The following DNAJC17 variants were observed in gnomAD, a reference collection of about 807,000 sequenced individuals.
DNAJC17 encodes the protein dnaJ homolog subfamily C member 17.
Under a neutral mutation model 48.1 loss-of-function variants are expected in DNAJC17, and 35 were observed. The observed-to-expected ratio is 0.73, with a 90% CI of 0.56 to 0.96. DNAJC17 has a LOEUF of 0.96. DNAJC17 is among the 50% of genes least tolerant of loss of function. The probability of loss-of-function intolerance (pLI) is 0.00; values close to 1 mark genes in which losing one functional copy is unlikely to be tolerated. For missense variants in DNAJC17, 355 were observed against 377.1 expected (o/e 0.94, Z 0.48); for synonymous variants, 117 against 142.7 (o/e 0.82, Z 1.28).
chr15:40,792,211 T>C (rs1342984628), intron 1 of DNAJC17, among the ~76,000 whole-genome samples: 3 of 152,210 alleles, frequency 2.0e-5, no homozygotes, highest in African/African-American at 7.2e-5. Context: ...AGAAACAATG[T>C]TGATGCACCA....
In DNAJC17 at chr15:40,767,005, G is replaced by A. The variant is rs750870198; in HGVS notation, c.*935C>T. On this transcript the variant is annotated 3_prime_UTR_variant, in exon 11 of 11. Coordinates refer to ENST00000220496, the MANE Select transcript of DNAJC17 (RefSeq NM_018163.3). ...TTCTCATCTATCAATGGCCACAACA[G>A]TGGCACCTTCACTAGCTTGTTGGGA... The A allele has an allele frequency of 4.6e-5, 18 of 394,452 alleles. No homozygotes were observed. Among genetic ancestry groups the A allele is most frequent in the South Asian group, 9.2e-5 (1 of 10,922 alleles). The allele number at this position is 394,452 out of a possible 1,614,324, so 24.4% of individuals were successfully genotyped here. A position where few individuals can be genotyped will look rare whatever the true frequency, so the allele number is the denominator to read the frequency against.
At chr15:40,806,726 T>C (rs1890239343) in intron 1 of DNAJC17, among the ~76,000 whole-genome samples, 1 of 152,180 alleles carries the variant, frequency 6.6e-6, no homozygotes, top group African/African-American at 2.4e-5. Flanking sequence ...AGTGTTTCAC[T>C]CCCTGGCATC....
intron 1 of DNAJC17, among the ~76,000 whole-genome samples, chr15:40,806,242 A>G (rs1446953374): frequency 1.5e-5 from 2 of 133,726 alleles, no homozygotes; most frequent in Non-Finnish European, 1.6e-5. Context: ...TTTTTTTGAG[A>G]CAGTCTCGCT....
chr15:40,774,506 A>T (rs1889260372), intron 8 of DNAJC17, 70 bp from the exon 9 acceptor site: 3 of 1,563,336 alleles, frequency 1.9e-6, no homozygotes, highest in Admixed American at 3.4e-5. Flanking sequence ...GCCAGAGACA[A>T]GCCTGGGCTA....
intron 7 of DNAJC17, 48 bp from the exon 8 acceptor site, chr15:40,775,156 T>G: frequency 6.3e-7 from 1 of 1,592,722 alleles, no homozygotes; most frequent in South Asian, 1.1e-5. Flanking sequence ...GAACAGTACC[T>G]CACCCCACGA....
In DNAJC17 at chr15:40,779,261, G is replaced by C. The variant is rs780927472; in HGVS notation, c.257C>G (p.Thr86Ser). ...CTTCCTTTTCTCATCAAGTTTCTGG[G>C]TCCTCTCTGCTGCTTGCTTCTTGGC... Reference protein sequence around the residue: ...RKAKKQAAERTQKLDEKRKKV... With the variant: ...RKAKKQAAERSQKLDEKRKKV... Residue 86 changes from threonine to serine, a missense_variant, in exon 4 of 11, where the codon ACC becomes AGC. Thr to Ser is a moderately conservative substitution (Grantham distance 58). Coordinates refer to ENST00000220496, the MANE Select transcript of DNAJC17 (RefSeq NM_018163.3). The C allele has an allele frequency of 6.8e-6, 11 of 1,614,088 alleles. No homozygotes were observed. The highest frequency in any genetic ancestry group is 9.3e-6 in the Non-Finnish European group (11 of 1,180,034).
At chr15:40,797,538 T>G (rs1355914942) in intron 1 of DNAJC17, among the ~76,000 whole-genome samples, 2 of 150,334 alleles carry the variant, frequency 1.3e-5, no homozygotes, top group African/African-American at 2.5e-5. Context: ...TCAGCCTCCC[T>G]AGCAGCTGGG....
intron 4 of DNAJC17, among the ~76,000 whole-genome samples, chr15:40,778,205 A>G (rs530948997): frequency 2.6e-5 from 4 of 151,242 alleles, no homozygotes; most frequent in African/African-American, 9.7e-5. Flanking sequence ...AAAAAAAAAA[A>G]GAAGAAGAAG....
chr15:40,770,914 C>T lies in DNAJC17; in HGVS notation c.792+2813G>A, dbSNP rs1241087580. The stretch of plus-strand genomic sequence containing the variant: ...CCCTGCTTCCAGAGGACACCTACCC[C>T]AGACCTCAGTGATCCCTTCCTCTCC... On this transcript the variant is annotated intron_variant, in intron 10 of 10. Transcript: ENST00000220496. The surrounding 1 kb of genome is among the most constrained non-coding windows in gnomAD (Gnocchi z 5.0). 4 of 1,551,538 alleles carry T rather than the reference C, an allele frequency of 2.6e-6. No homozygotes were observed. The highest frequency in any genetic ancestry group is 1.2e-5 in the South Asian group (1 of 84,066).
chr15:40,765,789 G>A lies in DNAJC17; in HGVS notation c.*2151C>T. ...CAGGCAAGACCTTCCACCTCCTCCT[G>A]GCAGCCAGCCAAGCAGCCACTGTGG... is the stretch of plus-strand genomic sequence containing the variant. On this transcript the variant is annotated 3_prime_UTR_variant, in exon 11 of 11. Coordinates refer to ENST00000220496, the MANE Select transcript of DNAJC17 (RefSeq NM_018163.3). 1 of 1,129,354 alleles carries A rather than the reference G, an allele frequency of 8.9e-7. No homozygotes were observed. Among genetic ancestry groups the A allele is most frequent in the Non-Finnish European group, 1.3e-6 (1 of 780,222 alleles). The allele number at this position is 1,129,354 out of a possible 1,614,324, so 70.0% of individuals were successfully genotyped here. A position where few individuals can be genotyped will look rare whatever the true frequency, so the allele number is the denominator to read the frequency against.
intron 10 of DNAJC17, among the ~76,000 whole-genome samples, chr15:40,768,343 C>A (rs561980662): frequency 6.6e-6 from 1 of 152,328 alleles, no homozygotes; most frequent in African/African-American, 2.4e-5. Flanking sequence ...GAATCACCTG[C>A]GGGCCCTCTA....
chr15:40,799,980 G>A (rs1890035766), intron 1 of DNAJC17, among the ~76,000 whole-genome samples: 1 of 151,914 alleles, frequency 6.6e-6, no homozygotes, highest in Admixed American at 6.6e-5. Flanking sequence ...CTCTCCATGA[G>A]CCATCACACC....
chr15:40,774,238 G>T, intron 9 of DNAJC17, 118 bp downstream of exon 9: 1 of 1,182,878 alleles, frequency 8.5e-7, no homozygotes, highest in Non-Finnish European at 1.2e-6. Context: ...TTGGCTCTAA[G>T]CTGGCCTGGA....
At chr15:40,774,715 G>GA (rs1889268446) in intron 8 of DNAJC17, among the ~76,000 whole-genome samples, 1 of 152,274 alleles carries the variant, frequency 6.6e-6, no homozygotes, top group Admixed American at 6.5e-5. Flanking sequence ...TGAACGTGGT[G>GA]AAAAGGACGG....
Position 40,766,515 on chromosome 15 carries a change from AGAG to A in DNAJC17, c.*1422_*1424del, listed in dbSNP as rs1888953840. ...GTGAGTGCCAGTTCAAATCGGGGAAAGAGGAGGGCTGATCCCAGCCCCTGGGTC... is the reference window on the plus strand; with the variant it reads ...GTGAGTGCCAGTTCAAATCGGGGAAAGAGGGCTGATCCCAGCCCCTGGGTC... On this transcript the variant is annotated 3_prime_UTR_variant, in exon 11 of 11. Transcript: ENST00000220496. The A allele has an allele frequency of 6.6e-6, 1 of 152,256 alleles. No individual in the cohort carries two copies. The highest frequency in any genetic ancestry group is 1.5e-5 in the Non-Finnish European group (1 of 68,078). The allele number at this position is 152,256 out of a possible 1,614,324, so 9.4% of individuals were successfully genotyped here. A position where few individuals can be genotyped will look rare whatever the true frequency, so the allele number is the denominator to read the frequency against.
At position 40,770,565 on chromosome 15, in the gene DNAJC17, C is replaced by T. The variant is rs954332698; in HGVS notation, c.793-2503G>A. 17 of 1,550,520 alleles carry T rather than the reference C, an allele frequency of 1.1e-5. No individual in the cohort carries two copies. The highest frequency in any genetic ancestry group is 4.1e-5 in the African/African-American group (3 of 73,058). On this transcript the variant is annotated intron_variant, in intron 10 of 10. Transcript: ENST00000220496. The surrounding 1 kb of genome is among the most constrained non-coding windows in gnomAD (Gnocchi z 5.0). ...CAAGCAGCTGAGCCTGGGGCGGCCA[C>T]GGCGGCTCCGGCGACAGAGTAGTGT...
rs1187190121 is a variant in DNAJC17 at position 40,765,886 on chromosome 15, G to C, written c.*2054C>G. On this transcript the variant is annotated 3_prime_UTR_variant, in exon 11 of 11. Coordinates refer to ENST00000220496, the MANE Select transcript of DNAJC17 (RefSeq NM_018163.3). ...CGGATCCAGAGCTGATGCAGCATCT[G>C]GGGGCTTCAAAGAGAAGAGCCTTGG... 1.3e-6 allele frequency: 2 copies of C among 1,580,736 alleles called. No individual in the cohort carries two copies.
In DNAJC17 at chr15:40,775,126, TG is replaced by T. The variant is rs913648477; in HGVS notation, c.523-19del. On this transcript the variant is annotated intron_variant, in intron 7 of 10. Coordinates refer to ENST00000220496, the MANE Select transcript of DNAJC17 (RefSeq NM_018163.3). ...CATTTTAGCTGAAAAGAGAGCCTCA[TG>T]AAACACTGATTCTTGGCTGAACAGT... The T allele has an allele frequency of 6.2e-7, 1 of 1,613,480 alleles. No individual in the cohort carries two copies. Among genetic ancestry groups the T allele is most frequent in the Non-Finnish European group, 8.5e-7 (1 of 1,179,562 alleles).
chr15:40,772,242 C>T (rs1355397513), intron 10 of DNAJC17: 2 of 167,130 alleles, frequency 1.2e-5, no homozygotes, highest in Non-Finnish European at 2.9e-5. Context: ...CCCATGGCCT[C>T]ACCAGAACAC....
Sources: allele counts gnomAD v4.1 joint callset (sites outside exome capture counted in the v4.1 genomes callset), GRCh38; gene constraint gnomAD v4.1.1; non-coding constraint Gnocchi (gnomAD v3.1); transcripts MANE v1.5; gene names NCBI Gene and HGNC (gene_info 2026-07-23, HGNC 2026-07-21).